The following HTR1F variants were observed in gnomAD, a reference collection of about 807,000 sequenced individuals.
The protein encoded by HTR1F is 5-hydroxytryptamine receptor 1F.
Under a neutral mutation model 24.0 loss-of-function variants are expected in HTR1F, and 17 were observed. The observed-to-expected ratio is 0.71, with a 90% confidence interval of 0.48 to 1.06. The LOEUF is 1.06. Among genes scored for constraint, HTR1F ranks in the 50% least tolerant of loss-of-function variants. The probability of loss-of-function intolerance (pLI) is 0.00; values close to 1 mark genes in which losing one functional copy is unlikely to be tolerated. For missense variants in HTR1F, 391 were observed against 427.8 expected, an observed-to-expected ratio of 0.91 and a Z score of 0.76; for synonymous variants, 186 against 156.8, an observed-to-expected ratio of 1.19 and a Z score of -1.39.
chr3:87,962,049 T>C (rs1341623463), intron 2 of HTR1F, among the ~76,000 whole-genome samples: 2 of 152,110 alleles, frequency 1.3e-5, no homozygotes, highest in Non-Finnish European at 2.9e-5. Context: ...CTCAATGTGC[T>C]ATCTACATTG....
intron 2 of HTR1F, among the ~76,000 whole-genome samples, chr3:87,980,114 G>A (rs1435634752): frequency 3.3e-5 from 5 of 152,218 alleles, no homozygotes; most frequent in African/African-American, 4.8e-5. Context: ...CTGCCATTCA[G>A]TGGGTCCCAA....
At chr3:87,806,232 C>T (rs1341339599) in intron 1 of HTR1F, among the ~76,000 whole-genome samples, 2 of 151,914 alleles carry the variant, frequency 1.3e-5, no homozygotes, top group African/African-American at 4.8e-5. Flanking sequence ...TACAAGTATG[C>T]TTTGATATAC....
At chr3:87,988,662 C>A (rs1475126592) in intron 2 of HTR1F, among the ~76,000 whole-genome samples, 2 of 152,036 alleles carry the variant, frequency 1.3e-5, no homozygotes, top group Non-Finnish European at 2.9e-5. Context: ...TGGCTCACTG[C>A]AACCTCCACT....
chr3:87,976,283 T>C (rs1413929892), intron 2 of HTR1F, among the ~76,000 whole-genome samples: 3 of 152,188 alleles, frequency 2.0e-5, no homozygotes, highest in Non-Finnish European at 2.9e-5. Flanking sequence ...AACAGTCTAG[T>C]TCCTGGTGCT....
In HTR1F at chr3:87,956,666, G is replaced by A. The variant is rs72915662; in HGVS notation, c.-42-34042G>A. 4.5e-3 allele frequency among the ~76,000 whole-genome samples: 688 copies of A among 151,258 alleles called. 1 individual carries two copies. The highest frequency in any genetic ancestry group is 0.016 in the African/African-American group (664 of 41,414). On this transcript the variant is annotated intron_variant, in intron 2 of 2. Transcript: ENST00000319595. ...TCTTCTTTAAATTTCTCTCAACCAT[G>A]TTCCATAATTTTCAGAGCAGATGGT... is the stretch of plus-strand genomic sequence containing the variant.
At chr3:87,945,998 C>A (rs1035155532) in intron 2 of HTR1F, among the ~76,000 whole-genome samples, 2 of 152,144 alleles carry the variant, frequency 1.3e-5, no homozygotes, top group African/African-American at 2.4e-5. Context: ...AGGAATGGAA[C>A]CTTGGGCCAC....
At chr3:87,903,106 C>A (rs1274038384) in intron 2 of HTR1F, among the ~76,000 whole-genome samples, 1 of 152,012 alleles carries the variant, frequency 6.6e-6, no homozygotes, top group Non-Finnish European at 1.5e-5. Flanking sequence ...CTTCCTTACA[C>A]CTTATACAAA....
chr3:87,921,661 A>T (rs887767259), intron 2 of HTR1F, among the ~76,000 whole-genome samples: 7 of 151,934 alleles, frequency 4.6e-5, no homozygotes, highest in African/African-American at 1.4e-4. Context: ...AGTGATATAG[A>T]ACACTAGAAT....
rs1705861560 is a variant in HTR1F, at chr3:87,992,581, G to C, written c.*731G>C. 6.0e-6 allele frequency: 1 copy of C among 166,898 alleles called. No individual in the cohort carries two copies. Among genetic ancestry groups the C allele is most frequent in the Non-Finnish European group, 1.5e-5 (1 of 68,070 alleles). 10.3% of individuals were successfully genotyped at this position (166,898 alleles called of 1,614,324 possible). A position where few individuals can be genotyped will look rare whatever the true frequency, so the allele number is the denominator to read the frequency against. On this transcript the variant is annotated 3_prime_UTR_variant, in exon 3 of 3. Transcript: ENST00000319595. ...CATTTGAAATCAAAGCCTTACCTTA[G>C]TAACAATAACTCAACAAAGGGGCAT...
chr3:87,823,941 C>A (rs1704411324), intron 2 of HTR1F, among the ~76,000 whole-genome samples: 1 of 151,794 alleles, frequency 6.6e-6, no homozygotes, highest in African/African-American at 2.4e-5. Context: ...CCTGTAGTCC[C>A]AGCTACTCGG....
intron 2 of HTR1F, among the ~76,000 whole-genome samples, chr3:87,881,283 A>G (rs1705791183): frequency 6.6e-6 from 1 of 152,246 alleles, no homozygotes; most frequent in African/African-American, 2.4e-5. Flanking sequence ...ATTATGTCTC[A>G]TGCATGGCTT....
intron 2 of HTR1F, among the ~76,000 whole-genome samples, chr3:87,970,953 T>A (rs1290503039): frequency 6.6e-6 from 1 of 152,192 alleles, no homozygotes; most frequent in African/African-American, 2.4e-5. Flanking sequence ...TTATCTGCCT[T>A]TGTTCACCTT....
chr3:87,848,372 T>A (rs981576669), intron 2 of HTR1F, among the ~76,000 whole-genome samples: 39 of 152,006 alleles, frequency 2.6e-4, no homozygotes, highest in African/African-American at 8.7e-4. Flanking sequence ...GTGGGATTTT[T>A]TTTCTGTTGA....
chr3:87,825,174 G>A (rs1370184198), intron 2 of HTR1F, among the ~76,000 whole-genome samples: 1 of 152,118 alleles, frequency 6.6e-6, no homozygotes, highest in Non-Finnish European at 1.5e-5. Context: ...GGACTCTCAA[G>A]TATGATTTGC....
intron 2 of HTR1F, among the ~76,000 whole-genome samples, chr3:87,951,366 G>A (rs141118882): frequency 6.6e-6 from 1 of 152,130 alleles, no homozygotes; most frequent in African/African-American, 2.4e-5. Context: ...AATCCTATGA[G>A]GTCAATACCA....
chr3:87,880,079 T>C (rs1430461251), intron 2 of HTR1F, among the ~76,000 whole-genome samples: 1 of 152,090 alleles, frequency 6.6e-6, no homozygotes, highest in Admixed American at 6.6e-5. Flanking sequence ...ACAAAAAAAG[T>C]TGAAAGACTG....
chr3:87,889,985 G>T (rs1371332023), intron 2 of HTR1F, among the ~76,000 whole-genome samples: 1 of 152,154 alleles, frequency 6.6e-6, no homozygotes, highest in Non-Finnish European at 1.5e-5. Flanking sequence ...GTATAAAATT[G>T]TCAAAAGACA....
chr3:87,844,188 T>C (rs1241915818), intron 2 of HTR1F, among the ~76,000 whole-genome samples: 9 of 151,908 alleles, frequency 5.9e-5, no homozygotes, highest in Non-Finnish European at 1.5e-5. Flanking sequence ...CTCCATCAGC[T>C]GTTGTTTCCT....
chr3:87,985,104 G>A (rs1705633821), intron 2 of HTR1F, among the ~76,000 whole-genome samples: 1 of 152,284 alleles, frequency 6.6e-6, no homozygotes, highest in Admixed American at 6.5e-5. Flanking sequence ...GGGAGGCCGA[G>A]GCAGGCAGAT....
Sources: allele counts gnomAD v4.1 joint callset (sites outside exome capture counted in the v4.1 genomes callset), GRCh38; gene constraint gnomAD v4.1.1; transcripts MANE v1.5; gene names NCBI Gene and HGNC (gene_info 2026-07-23, HGNC 2026-07-21).